The following FAM13A variants were observed in gnomAD, a reference collection of about 807,000 sequenced individuals.
FAM13A encodes family with sequence similarity 13 member A, also known as protein FAM13A.
A neutral mutation model predicts 129.6 loss-of-function variants in FAM13A; 76 were observed. That is an observed-to-expected ratio of 0.59 (90% confidence interval 0.49 to 0.71). The LOEUF (loss-of-function observed/expected upper bound fraction) is 0.71. FAM13A is among the 30% of genes least tolerant of loss of function. The probability of loss-of-function intolerance (pLI) is 0.00; values close to 1 mark genes in which losing one functional copy is unlikely to be tolerated. For missense variants in FAM13A, 1,108 were observed against 1,249.3 expected (o/e 0.89, Z 1.70); for synonymous variants, 443 against 449.9 (o/e 0.98, Z 0.20).
chr4:88,936,724 A>C (rs1397339515), intron 5 of FAM13A: 1 of 152,188 alleles, frequency 6.6e-6, no homozygotes, highest in African/African-American at 2.4e-5. Context: ...ATTATACTTC[A>C]GGTTCACCTT....
chr4:88,977,964 C>G (rs967032289), intron 4 of FAM13A, among the ~76,000 whole-genome samples: 1 of 152,144 alleles, frequency 6.6e-6, no homozygotes, highest in East Asian at 1.9e-4. Context: ...GTGATACAAA[C>G]TCATGTTCTC....
At chr4:88,945,577 C>G (rs1365548012) in intron 4 of FAM13A, among the ~76,000 whole-genome samples, 3 of 151,840 alleles carry the variant, frequency 2.0e-5, no homozygotes, top group Admixed American at 1.3e-4. Context: ...TCTCTCATAT[C>G]AAACCCAAAT....
intron 13 of FAM13A, among the ~76,000 whole-genome samples, chr4:88,760,123 G>A (rs541288171): frequency 1.3e-5 from 2 of 152,332 alleles, no homozygotes; most frequent in East Asian, 3.9e-4. Context: ...TGTGCTGAAA[G>A]CACTACTTAA....
At chr4:88,918,287 G>A (rs893696321) in intron 5 of FAM13A, among the ~76,000 whole-genome samples, 1 of 152,188 alleles carries the variant, frequency 6.6e-6, no homozygotes, top group African/African-American at 2.4e-5. Context: ...TTATATAGTA[G>A]TTAACTATGT....
intron 3 of FAM13A, among the ~76,000 whole-genome samples, chr4:88,991,817 CT>C (rs2149024863): frequency 6.6e-6 from 1 of 152,224 alleles, no homozygotes; most frequent in Non-Finnish European, 1.5e-5. Context: ...CTTCTCTGAG[CT>C]TTTTTTCAAC....
chr4:88,868,114 T>C (rs1740752586), intron 6 of FAM13A, among the ~76,000 whole-genome samples: 1 of 152,208 alleles, frequency 6.6e-6, no homozygotes, highest in Non-Finnish European at 1.5e-5. Context: ...TTTTTCATTT[T>C]TGCTAATTTC....
intron 3 of FAM13A, among the ~76,000 whole-genome samples, chr4:88,996,517 T>C (rs1763561088): frequency 6.6e-6 from 1 of 152,232 alleles, no homozygotes; most frequent in Non-Finnish European, 1.5e-5. Context: ...ATTGAGTGAC[T>C]ACTCTGTTCC....
intron 5 of FAM13A, among the ~76,000 whole-genome samples, chr4:88,916,202 C>T (rs1025854107): frequency 1.3e-5 from 2 of 152,076 alleles, no homozygotes; most frequent in East Asian, 3.9e-4. Context: ...AATTACTTTT[C>T]TTTATAAATT....
intron 4 of FAM13A, among the ~76,000 whole-genome samples, chr4:88,967,898 A>T (rs1380313961): frequency 6.6e-6 from 1 of 152,130 alleles, no homozygotes; most frequent in Non-Finnish European, 1.5e-5. Context: ...CGTCTCTTAA[A>T]CAGTGCCTAG....
At chr4:88,848,206 A>G (rs1011243602) in intron 7 of FAM13A, among the ~76,000 whole-genome samples, 4 of 152,258 alleles carry the variant, frequency 2.6e-5, no homozygotes, top group African/African-American at 9.6e-5. Context: ...TCTCTCCACC[A>G]TGCAGAAGGT....
intron 2 of FAM13A, among the ~76,000 whole-genome samples, chr4:89,028,771 T>TTA (rs370313247): frequency 2.7e-4 from 37 of 137,986 alleles, no homozygotes; most frequent in Middle Eastern, 7.4e-3. Flanking sequence ...TTAAAGTACA[T>TTA]AAAAAAAAAA....
chr4:88,962,462 G>A (rs1758761962), intron 4 of FAM13A, among the ~76,000 whole-genome samples: 1 of 152,190 alleles, frequency 6.6e-6, no homozygotes, highest in African/African-American at 2.4e-5. Context: ...AGGAAAGAAA[G>A]GAGGTGGGAA....
intron 1 of FAM13A, among the ~76,000 whole-genome samples, chr4:89,054,804 T>C (rs1772018659): frequency 6.6e-6 from 1 of 152,200 alleles, no homozygotes; most frequent in South Asian, 2.1e-4. Flanking sequence ...AGACTTTATC[T>C]GCATAAAAAC....
chr4:88,845,427 T>C (rs1736477924), intron 7 of FAM13A, among the ~76,000 whole-genome samples: 1 of 151,682 alleles, frequency 6.6e-6, no homozygotes, highest in Admixed American at 6.6e-5. Flanking sequence ...AGATTAGCCA[T>C]GGAAGGAACA....
intron 6 of FAM13A, among the ~76,000 whole-genome samples, chr4:88,865,047 A>C (rs546042445): frequency 1.3e-5 from 2 of 152,368 alleles, no homozygotes; most frequent in African/African-American, 4.8e-5. Flanking sequence ...AAAAAATGTA[A>C]TTGGATTCCT....
chr4:88,983,206 C>T (rs1364417467), intron 4 of FAM13A, among the ~76,000 whole-genome samples: 7 of 151,884 alleles, frequency 4.6e-5, no homozygotes, highest in Non-Finnish European at 1.0e-4. Flanking sequence ...CAGAGTTATA[C>T]CTTGGATAAC....
intron 3 of FAM13A, among the ~76,000 whole-genome samples, chr4:88,997,747 C>CA (rs1763749245): frequency 6.6e-6 from 1 of 152,086 alleles, no homozygotes; most frequent in African/African-American, 2.4e-5. Context: ...AACTAACTGA[C>CA]AAAACGCTAA....
intron 7 of FAM13A, among the ~76,000 whole-genome samples, chr4:88,810,505 A>G (rs906493119): frequency 5.9e-5 from 9 of 152,140 alleles, no homozygotes; most frequent in African/African-American, 1.9e-4. Flanking sequence ...TCATGTGAAG[A>G]TTGGAGTTAT....
At chr4:88,914,047 T>C (rs1053332088) in intron 5 of FAM13A, among the ~76,000 whole-genome samples, 2 of 152,030 alleles carry the variant, frequency 1.3e-5, no homozygotes, top group Non-Finnish European at 2.9e-5. Context: ...TGAGTCTTCC[T>C]TAAATTAGCA....
Sources: allele counts gnomAD v4.1 joint callset (sites outside exome capture counted in the v4.1 genomes callset), GRCh38; gene constraint gnomAD v4.1.1; transcripts MANE v1.5; gene names NCBI Gene and HGNC (gene_info 2026-07-23, HGNC 2026-07-21).